MMP26: variants seen among roughly 807,000 people sequenced by gnomAD.
The protein encoded by MMP26 is matrix metalloproteinase-26.
A neutral mutation model predicts 31.0 loss-of-function variants in MMP26; 33 were observed. The ratio of observed to expected loss-of-function variants is 1.06; its 90% CI spans 0.81 to 1.42. MMP26 has a LOEUF of 1.42. MMP26 is among the 40% of genes most tolerant of loss of function. MMP26 has a pLI of 0.00. For missense variants in MMP26, 347 were observed against 316.1 expected (o/e 1.10, Z -0.74); for synonymous variants, 122 against 114.9 (o/e 1.06, Z -0.40).
intron 2 of MMP26, among the ~76,000 whole-genome samples, chr11:4,817,613 C>G (rs1259985112): frequency 6.6e-6 from 1 of 151,988 alleles, no homozygotes; most frequent in Non-Finnish European, 1.5e-5. Context: ...AAACAAAAAT[C>G]TACAAAACTT....
chr11:4,934,035 C>T (rs1851393940), intron 2 of MMP26, among the ~76,000 whole-genome samples: 1 of 141,028 alleles, frequency 7.1e-6, no homozygotes, highest in South Asian at 2.4e-4. Context: ...AATAAACATA[C>T]GTGTGCATGT....
rs867184101 is a variant in MMP26 at position 4,858,513 on chromosome 11, A to G, written c.-145+91172A>G. Among the ~76,000 whole-genome samples, 20 of 152,302 alleles carry G rather than the reference A, an allele frequency of 1.3e-4. No homozygotes were observed. The South Asian group carries it at 3.9e-3, about 30-fold the overall frequency. ...TAAAATACCTAGGAATCCAACTTAC[A>G]AGGGATGTGAAGGACCTCTTCAAGG... On this transcript the variant is annotated intron_variant, in intron 2 of 7. Coordinates refer to ENST00000380390, the MANE Select transcript of MMP26 (RefSeq NM_021801.5).
chr11:4,823,015 A>AT (rs1032104347), intron 2 of MMP26, among the ~76,000 whole-genome samples: 24 of 151,386 alleles, frequency 1.6e-4, no homozygotes, highest in South Asian at 4.2e-4. Context: ...ACTATTTTTC[A>AT]TTTTTTTTTA....
intron 2 of MMP26, among the ~76,000 whole-genome samples, chr11:4,826,402 C>A (rs1276838769): frequency 6.6e-6 from 1 of 152,016 alleles, no homozygotes; most frequent in East Asian, 1.9e-4. Flanking sequence ...ATATTCAGGG[C>A]TAAGGAGAAG....
At chr11:4,777,761 G>A (rs1408114055) in intron 2 of MMP26, among the ~76,000 whole-genome samples, 2 of 152,032 alleles carry the variant, frequency 1.3e-5, no homozygotes, top group African/African-American at 4.8e-5. Context: ...CACAGAGTGT[G>A]TATAGTTATA....
rs961484511 is a variant in MMP26, at chr11:4,910,344, C to T, written c.-144-77724C>T. ...ATTAGACTGGGTTCCCCTGGATAAT[C>T]TTGGATATTCTGCCTATGTTAAGGT... On this transcript the variant is annotated intron_variant, in intron 2 of 7. Transcript: ENST00000380390. 4.6e-5 allele frequency among the ~76,000 whole-genome samples: 7 copies of T among 152,132 alleles called. 1 individual carries two copies. In the South Asian group the frequency reaches 1.5e-3, roughly 32 times the overall value.
At chr11:4,940,203 G>A (rs1009485029) in intron 2 of MMP26, among the ~76,000 whole-genome samples, 1 of 151,988 alleles carries the variant, frequency 6.6e-6, no homozygotes, top group African/African-American at 2.4e-5. Context: ...TCTTAGAGAG[G>A]TGCAGTGACT....
chr11:4,845,575 T>C (rs1849855663), intron 2 of MMP26, among the ~76,000 whole-genome samples: 1 of 152,020 alleles, frequency 6.6e-6, no homozygotes, highest in Non-Finnish European at 1.5e-5. Context: ...ACAGGCAACC[T>C]AAGCAAAAAT....
intron 5 of MMP26, 126 bp from the exon 6 acceptor site, chr11:4,991,245 C>G: frequency 8.4e-7 from 1 of 1,192,354 alleles, no homozygotes; most frequent in Non-Finnish European, 1.2e-6. Context: ...AATGCCTTAG[C>G]TCTCTCACAT....
At chr11:4,856,138 C>A (rs554708295) in intron 2 of MMP26, among the ~76,000 whole-genome samples, 2 of 152,050 alleles carry the variant, frequency 1.3e-5, no homozygotes, top group Non-Finnish European at 2.9e-5. Context: ...TAAAGACCAT[C>A]GATGCTAGGA....
intron 2 of MMP26, among the ~76,000 whole-genome samples, chr11:4,978,006 C>A (rs936900591): frequency 1.8e-4 from 27 of 151,864 alleles, no homozygotes; most frequent in Admixed American, 1.4e-3. Context: ...GATGGTTCCC[C>A]CATGTTGTTT....
intron 2 of MMP26, 144 bp downstream of exon 2, chr11:4,767,485 TG>T (rs1848647440): frequency 1.3e-5 from 2 of 152,226 alleles, no homozygotes; most frequent in African/African-American, 4.8e-5. Flanking sequence ...TTTTATTTTT[TG>T]TTGTTTCCCA....
chr11:4,917,831 C>T (rs1851121151), intron 2 of MMP26, among the ~76,000 whole-genome samples: 1 of 152,068 alleles, frequency 6.6e-6, no homozygotes, highest in African/African-American at 2.4e-5. Flanking sequence ...TTCATTAAAA[C>T]ATCCATGTTC....
At chr11:4,790,662 T>C (rs1849013751) in intron 2 of MMP26, among the ~76,000 whole-genome samples, 1 of 152,128 alleles carries the variant, frequency 6.6e-6, no homozygotes, top group Non-Finnish European at 1.5e-5. Flanking sequence ...GGTAAGAACA[T>C]GGTAAGTCAA....
chr11:4,930,097 T>G (rs1009714371), intron 2 of MMP26, among the ~76,000 whole-genome samples: 1 of 152,100 alleles, frequency 6.6e-6, no homozygotes, highest in African/African-American at 2.4e-5. Context: ...AGTAACCAAA[T>G]TAGGACATTT....
intron 2 of MMP26, among the ~76,000 whole-genome samples, chr11:4,958,058 A>G (rs74052695): frequency 1.3e-3 from 198 of 152,310 alleles, no homozygotes; most frequent in African/African-American, 4.4e-3. Context: ...CAAGAGTTTA[A>G]CTGTGAGATT....
chr11:4,860,577 A>G (rs753254860), intron 2 of MMP26: 3 of 448,798 alleles, frequency 6.7e-6, no homozygotes, highest in Middle Eastern at 4.3e-4. Context: ...TGTTCTCACC[A>G]TCGGGTGGGG....
chr11:4,926,828 G>C (rs1851279881), intron 2 of MMP26, among the ~76,000 whole-genome samples: 1 of 152,204 alleles, frequency 6.6e-6, no homozygotes, highest in Non-Finnish European at 1.5e-5. Flanking sequence ...TGCATCATCA[G>C]AGCTCACAAG....
At chr11:4,727,683 G>A (rs896617928) in intron 1 of MMP26, among the ~76,000 whole-genome samples, 3 of 152,132 alleles carry the variant, frequency 2.0e-5, no homozygotes, top group Non-Finnish European at 2.9e-5. Context: ...GGTGGCGGGC[G>A]CCTGTAATCC....
Sources: gnomAD v4.1 joint callset for allele counts (sites outside exome capture counted in the v4.1 genomes callset) on GRCh38, gnomAD v4.1.1 for gene constraint, MANE v1.5 for transcripts, NCBI Gene and HGNC (gene_info 2026-07-23, HGNC 2026-07-21) for gene names.